Variants in PXYLP1 observed in about 807,000 individuals in gnomAD.
The protein encoded by PXYLP1 is 2-phosphoxylose phosphatase 1.
A neutral mutation model predicts 37.9 loss-of-function variants in PXYLP1; 17 were observed. That is an observed-to-expected ratio of 0.45 (90% CI 0.31 to 0.67). The LOEUF (loss-of-function observed/expected upper bound fraction) is 0.67. PXYLP1 is among the 30% of genes least tolerant of loss of function. PXYLP1 has a pLI of 0.07. For synonymous variants in PXYLP1, 221 were observed against 232.2 expected, an observed-to-expected ratio of 0.95 and a Z score of 0.44; for missense variants, 511 against 612.0, an observed-to-expected ratio of 0.84 and a Z score of 1.74.
chr3:141,262,159 T>C (rs1042186824), intron 2 of PXYLP1: 2 of 509,968 alleles, frequency 3.9e-6, no homozygotes, highest in African/African-American at 4.2e-5. Flanking sequence ...TCACTTCCAA[T>C]TGTGACATAT....
intron 1 of PXYLP1, among the ~76,000 whole-genome samples, chr3:141,232,593 G>A (rs565312183): frequency 6.6e-6 from 1 of 152,368 alleles, no homozygotes; most frequent in South Asian, 2.1e-4. Context: ...AGGACCGTGT[G>A]GTGTAGACCC....
intron 5 of PXYLP1, among the ~76,000 whole-genome samples, chr3:141,288,396 G>A (rs1559897445): frequency 6.6e-6 from 1 of 152,194 alleles, no homozygotes; most frequent in Admixed American, 6.5e-5. Context: ...TTGGGGAAAT[G>A]ATATTGGATA....
intron 1 of PXYLP1, among the ~76,000 whole-genome samples, chr3:141,248,510 TATAC>T (rs61646481): frequency 0.18 from 25,047 of 140,486 alleles, 3,164 homozygotes; most frequent in African/African-American, 0.34. Context: ...TATATATATA[TATAC>T]ACACACACAC....
intron 5 of PXYLP1, among the ~76,000 whole-genome samples, chr3:141,290,645 G>A (rs1942180922): frequency 6.6e-6 from 1 of 152,172 alleles, no homozygotes; most frequent in Non-Finnish European, 1.5e-5. Flanking sequence ...GCAAGTATAA[G>A]AAGCCCTAAA....
At chr3:141,273,721 A>C (rs1392149776) in intron 2 of PXYLP1, 1 of 985,284 alleles carries the variant, frequency 1.0e-6, no homozygotes, top group Non-Finnish European at 1.2e-6. Flanking sequence ...GTGATCGTAG[A>C]TGAGATGAGC....
intron 5 of PXYLP1, among the ~76,000 whole-genome samples, chr3:141,287,669 C>G (rs146525009): frequency 3.2e-4 from 49 of 152,278 alleles, no homozygotes; most frequent in African/African-American, 1.1e-3. Context: ...AATACGTGTT[C>G]ATGAAAATAA....
At chr3:141,246,726 C>A (rs986127928) in intron 1 of PXYLP1, among the ~76,000 whole-genome samples, 2 of 152,230 alleles carry the variant, frequency 1.3e-5, no homozygotes, top group Non-Finnish European at 2.9e-5. Flanking sequence ...GCAAGACTGA[C>A]AAAGTTCCCA....
chr3:141,234,541 C>T (rs1276700748), intron 1 of PXYLP1, among the ~76,000 whole-genome samples: 1 of 152,226 alleles, frequency 6.6e-6, no homozygotes, highest in Non-Finnish European at 1.5e-5. Flanking sequence ...GGTGTTGCTT[C>T]CTGTGGCGAG....
At chr3:141,254,764 C>A (rs1941227728) in intron 1 of PXYLP1, among the ~76,000 whole-genome samples, 1 of 151,436 alleles carries the variant, frequency 6.6e-6, no homozygotes, top group Non-Finnish European at 1.5e-5. Context: ...TAATTCTGAC[C>A]AAAAAAATCA....
At chr3:141,240,605 AG>A (rs1940772408) in intron 1 of PXYLP1, among the ~76,000 whole-genome samples, 1 of 152,166 alleles carries the variant, frequency 6.6e-6, no homozygotes, top group African/African-American at 2.4e-5. Flanking sequence ...CAGGAGGGAA[AG>A]GAGATGGGTA....
rs73869547 is a variant in PXYLP1 at position 141,257,603 on chromosome 3, G to A, written c.-53-2520G>A. On this transcript the variant is annotated intron_variant, in intron 1 of 5. Transcript: ENST00000286353. ...GAAGACAACTGTAAACCATACTGTGGCTAATCCCTTATGAAAAGGCAGTGT... is the reference window on the plus strand; with the variant it reads ...GAAGACAACTGTAAACCATACTGTGACTAATCCCTTATGAAAAGGCAGTGT... 9.1e-3 allele frequency among the ~76,000 whole-genome samples: 1,387 copies of A among 152,204 alleles called. 26 individuals carry two copies. Among genetic ancestry groups the A allele is most frequent in the African/African-American group, 0.032 (1,310 of 41,514 alleles).
intron 4 of PXYLP1, among the ~76,000 whole-genome samples, chr3:141,285,471 T>C (rs549915782): frequency 1.8e-3 from 274 of 152,188 alleles, no homozygotes; most frequent in African/African-American, 6.4e-3. Context: ...GAAGTTTTTC[T>C]TCCACAAATC....
At chr3:141,236,504 C>T (rs1940661216) in intron 1 of PXYLP1, 1 of 152,116 alleles carries the variant, frequency 6.6e-6, no homozygotes, top group Non-Finnish European at 1.5e-5. Context: ...ACTATTTGTC[C>T]CACCCCTCAG....
chr3:141,277,181 A>G (rs1941815742), intron 2 of PXYLP1, among the ~76,000 whole-genome samples: 1 of 152,156 alleles, frequency 6.6e-6, no homozygotes, highest in African/African-American at 2.4e-5. Context: ...TTAAATATTT[A>G]TGTAGAAGAA....
intron 1 of PXYLP1, among the ~76,000 whole-genome samples, chr3:141,254,864 T>C (rs1039441020): frequency 1.3e-5 from 2 of 152,216 alleles, no homozygotes; most frequent in Non-Finnish European, 2.9e-5. Context: ...AAGGTAATTG[T>C]ACATTTTCTT....
chr3:141,232,137 C>T (rs995169440), intron 1 of PXYLP1, among the ~76,000 whole-genome samples: 4 of 152,148 alleles, frequency 2.6e-5, no homozygotes, highest in Admixed American at 2.6e-4. Flanking sequence ...GAGCCTAGGA[C>T]TTGCGCCCTC....
intron 2 of PXYLP1, among the ~76,000 whole-genome samples, chr3:141,263,419 C>T (rs960291255): frequency 6.6e-6 from 1 of 152,118 alleles, no homozygotes; most frequent in Admixed American, 6.6e-5. Context: ...TTCTGAAATT[C>T]CTGATGTTTG....
chr3:141,245,767 G>GGA (rs1227214447), intron 1 of PXYLP1, among the ~76,000 whole-genome samples: 1 of 152,148 alleles, frequency 6.6e-6, no homozygotes, highest in Non-Finnish European at 1.5e-5. Context: ...GGTATTTGGC[G>GGA]GAGAGGTCCC....
chr3:141,281,011 A>C (rs1576602897), intron 4 of PXYLP1, among the ~76,000 whole-genome samples: 1 of 152,344 alleles, frequency 6.6e-6, no homozygotes, highest in Admixed American at 6.5e-5. Flanking sequence ...GTGCTATTTT[A>C]ACCCTCATAG....
Sources: allele counts gnomAD v4.1 joint callset (sites outside exome capture counted in the v4.1 genomes callset), GRCh38; gene constraint gnomAD v4.1.1; transcripts MANE v1.5; gene names NCBI Gene and HGNC (gene_info 2026-07-23, HGNC 2026-07-21).